The following NUB1 variants were observed in gnomAD, a reference collection of about 807,000 sequenced individuals.
NUB1 encodes the protein negative regulator of ubiquitin like proteins 1.
Under a neutral mutation model 77.1 loss-of-function variants are expected in NUB1, and 41 were observed. The observed-to-expected ratio is 0.53, with a 90% CI of 0.41 to 0.69. The LOEUF (loss-of-function observed/expected upper bound fraction) is 0.69. Ranked by LOEUF, NUB1 falls within the 30% of genes least tolerant of loss-of-function variation. NUB1 has a pLI of 0.00. For missense variants in NUB1, 643 were observed against 743.8 expected (o/e 0.86, Z 1.58); for synonymous variants, 257 against 281.0 (o/e 0.91, Z 0.85).
Position 151,374,219 on chromosome 7 carries a change from C to T in NUB1, c.1371C>T (p.Ser457=), listed in dbSNP as rs530374847. 58 of 1,559,668 alleles carry T rather than the reference C, an allele frequency of 3.7e-5. No homozygotes were observed. The highest frequency in any genetic ancestry group is 5.9e-5 in the South Asian group (5 of 84,392). The change falls in exon 12 of 15, where the codon AGC becomes AGT. Residue 457 remains serine (S), a synonymous_variant. Coordinates refer to ENST00000568733, the MANE Select transcript of NUB1 (RefSeq NM_001243351.2). ...CCCAGCAGGTACTCCACGCAGCCAG[C>T]GGGAACTTGGATGAGGCCCTGAAGG... ...HAAQQVLHAA[S]GNLDEALKIL...
intron 2 of NUB1, among the ~76,000 whole-genome samples, chr7:151,346,075 C>A (rs1405465079): frequency 2.6e-5 from 4 of 152,194 alleles, no homozygotes; most frequent in African/African-American, 9.7e-5. Context: ...GCATGTACTT[C>A]TCTGCTCTCA....
At chr7:151,355,448 A>G (rs1297466837) in intron 5 of NUB1, among the ~76,000 whole-genome samples, 2 of 152,190 alleles carry the variant, frequency 1.3e-5, no homozygotes, top group Admixed American at 6.5e-5. Flanking sequence ...CTGAGGTGGG[A>G]GGATCACTTG....
chr7:151,355,776 C>T lies in NUB1; in HGVS notation c.424C>T (p.Leu142Phe). Residue 142 changes from leucine to phenylalanine, a missense_variant, in exon 6 of 15, where the codon CTT becomes TTT. Transcript: ENST00000568733. ...AGTTCTGATTTTTATAGGGAAAACC[C>T]TTGAAGAACAAGGCGTGGCTCACAA... ...NKKQLQLGKT[L>F]EEQGVAHNVK... 2 of 1,591,996 alleles carry T rather than the reference C, an allele frequency of 1.3e-6. No homozygotes were observed. Among genetic ancestry groups the T allele is most frequent in the Non-Finnish European group, 1.7e-6 (2 of 1,169,274 alleles).
At chr7:151,364,522 A>AT (rs751745651) in intron 8 of NUB1, among the ~76,000 whole-genome samples, 4 of 151,960 alleles carry the variant, frequency 2.6e-5, no homozygotes, top group Non-Finnish European at 4.4e-5. Context: ...ATGGGATTTA[A>AT]TTTTTGTTGT....
intron 6 of NUB1, 27 bp downstream of exon 6, chr7:151,355,977 C>T (rs760743811): frequency 6.2e-7 from 1 of 1,609,282 alleles, no homozygotes; most frequent in South Asian, 1.1e-5. Flanking sequence ...GCTTGTCACC[C>T]ACTCAGCTGC....
At chr7:151,341,913 C>T (rs1796221416) in intron 1 of NUB1, 67 bp downstream of exon 1, 3 of 1,419,162 alleles carry the variant, frequency 2.1e-6, no homozygotes, top group African/African-American at 1.5e-5. Context: ...CCCCGGTTCC[C>T]GGTCCGACTG....
intron 1 of NUB1, 153 bp downstream of exon 1, chr7:151,341,999 G>C (rs535204018): frequency 7.2e-6 from 9 of 1,257,018 alleles, no homozygotes; most frequent in Non-Finnish European, 9.0e-6. Flanking sequence ...GGCCGGGGCC[G>C]GGGCCGGGGC....
intron 10 of NUB1, 112 bp from the exon 11 acceptor site, chr7:151,368,623 T>G: frequency 8.0e-7 from 1 of 1,252,624 alleles, no homozygotes. Context: ...ATCCAAAATC[T>G]GATGCCTTTT....
chr7:151,342,867 G>T (rs1352493759), intron 1 of NUB1, among the ~76,000 whole-genome samples: 1 of 152,024 alleles, frequency 6.6e-6, no homozygotes, highest in Non-Finnish European at 1.5e-5. Context: ...TAGAGACGGG[G>T]TTTCACCATG....
At chr7:151,342,184 A>G (rs1334082231) in intron 1 of NUB1, among the ~76,000 whole-genome samples, 6 of 152,320 alleles carry the variant, frequency 3.9e-5, no homozygotes, top group South Asian at 2.1e-4. Flanking sequence ...TTGAATCGTA[A>G]CACTCCGAGT....
chr7:151,352,937 A>G, intron 5 of NUB1, 55 bp downstream of exon 5: 1 of 948,588 alleles, frequency 1.1e-6, no homozygotes, highest in Non-Finnish European at 1.6e-6. Flanking sequence ...AGAAATAATG[A>G]CTTCCCTTTT....
intron 11 of NUB1, among the ~76,000 whole-genome samples, chr7:151,372,191 G>C (rs1797989934): frequency 6.6e-6 from 1 of 152,178 alleles, no homozygotes; most frequent in Non-Finnish European, 1.5e-5. Flanking sequence ...ACCATACAGT[G>C]CCTCTCTCTT....
intron 1 of NUB1, among the ~76,000 whole-genome samples, chr7:151,342,759 C>G (rs533279553): frequency 1.3e-5 from 2 of 152,318 alleles, no homozygotes; most frequent in East Asian, 3.9e-4. Context: ...CCTGGAGTGT[C>G]TGACACGCAC....
At chr7:151,365,762 G>A (rs192157407) in intron 8 of NUB1, among the ~76,000 whole-genome samples, 17 of 152,328 alleles carry the variant, frequency 1.1e-4, no homozygotes, top group East Asian at 1.9e-4. Context: ...GAAATGTTGA[G>A]AGAGATGAAA....
At chr7:151,370,205 G>A (rs1047881761) in intron 11 of NUB1, among the ~76,000 whole-genome samples, 1 of 151,884 alleles carries the variant, frequency 6.6e-6, no homozygotes, top group Non-Finnish European at 1.5e-5. Flanking sequence ...TTCTGCCTTA[G>A]CCTTCTAAGT....
rs889186313 is a variant in NUB1 at position 151,378,280 on chromosome 7, C to G, written c.*1055C>G. 2 of 152,246 alleles carry G rather than the reference C, an allele frequency of 1.3e-5. No homozygotes were observed. Among genetic ancestry groups the G allele is most frequent in the Non-Finnish European group, 2.9e-5 (2 of 68,070 alleles). 9.4% of individuals were successfully genotyped at this position (152,246 alleles called of 1,614,324 possible). A position where few individuals can be genotyped will look rare whatever the true frequency, so the allele number is the denominator to read the frequency against. On this transcript the variant is annotated 3_prime_UTR_variant, in exon 15 of 15. Transcript: ENST00000568733. ...CCAGGTGCATCCAAGACTTTCCCTC[C>G]CTTCCAGAAGGCACTGACTGAAGAC...
intron 1 of NUB1, among the ~76,000 whole-genome samples, chr7:151,342,497 T>C (rs1796261087): frequency 6.6e-6 from 1 of 152,238 alleles, no homozygotes. Context: ...CACTTTCTGC[T>C]TGGACCACGG....
chr7:151,352,982 T>G, intron 5 of NUB1, 100 bp downstream of exon 5: 1 of 652,238 alleles, frequency 1.5e-6, no homozygotes, highest in Non-Finnish European at 2.6e-6. Flanking sequence ...TGTAGCTTTA[T>G]TTCATTTATA....
intron 8 of NUB1, among the ~76,000 whole-genome samples, chr7:151,364,564 G>A (rs181658340): frequency 2.6e-5 from 4 of 152,062 alleles, no homozygotes; most frequent in African/African-American, 4.8e-5. Context: ...TCGCTCTGTC[G>A]CCCACGCTGG....
Sources: allele counts gnomAD v4.1 joint callset (sites outside exome capture counted in the v4.1 genomes callset), GRCh38; gene constraint gnomAD v4.1.1; transcripts MANE v1.5; gene names NCBI Gene and HGNC (gene_info 2026-07-23, HGNC 2026-07-21).